RALGAPB: variants seen among roughly 807,000 people sequenced by gnomAD.
RALGAPB encodes ral GTPase-activating protein subunit beta.
A neutral mutation model predicts 161.1 loss-of-function variants in RALGAPB; 25 were observed. The ratio of observed to expected loss-of-function variants is 0.16; its 90% CI spans 0.11 to 0.22. The LOEUF (loss-of-function observed/expected upper bound fraction) is 0.22, where lower values mean the gene tolerates loss of function less well. Among genes scored for constraint, RALGAPB ranks in the 10% least tolerant of loss-of-function variants. The pLI, the probability that RALGAPB is intolerant of heterozygous loss-of-function variation, is 1.00. For missense variants in RALGAPB, 1,391 were observed against 1,815.2 expected (o/e 0.77, Z 4.25); for synonymous variants, 629 against 626.1 (o/e 1.00, Z -0.07).
At position 38,532,782 on chromosome 20, in the gene RALGAPB, G is replaced by T; in HGVS notation, c.2168G>T (p.Ser723Ile). ...CATAGTCGCACCAATAGTGGTATTA[G>T]TTCAGCAAGTGGTGGAAGCACGGAG... Reference protein sequence around the residue: ...KSHSRTNSGISSASGGSTEPT... With the variant: ...KSHSRTNSGIISASGGSTEPT... Residue 723 changes from serine to isoleucine, a missense_variant, in exon 15 of 30, where the codon AGT becomes ATT. This residue lies in a region of RALGAPB where 946 missense variants were observed against 1,257.2 expected (regional missense o/e 0.75). Transcript: ENST00000262879. 6.2e-7 allele frequency: 1 copy of T among 1,613,926 alleles called. No homozygotes were observed. The highest frequency in any genetic ancestry group is 8.5e-7 in the Non-Finnish European group (1 of 1,179,774).
chr20:38,504,461 A>T (rs1250054873), intron 5 of RALGAPB, among the ~76,000 whole-genome samples: 1 of 152,238 alleles, frequency 6.6e-6, no homozygotes, highest in African/African-American at 2.4e-5. Context: ...TAAATGTAAT[A>T]CCTCAAGCTA....
intron 18 of RALGAPB, 82 bp from the exon 19 acceptor site, chr20:38,546,161 G>C: frequency 6.3e-7 from 1 of 1,591,108 alleles, no homozygotes; most frequent in Non-Finnish European, 8.6e-7. Context: ...ATTCAGAAGA[G>C]TGGAAGGGGA....
chr20:38,570,635 A>G, intron 27 of RALGAPB, 134 bp from the exon 28 acceptor site: 1 of 451,838 alleles, frequency 2.2e-6, no homozygotes, highest in Non-Finnish European at 3.9e-6. Flanking sequence ...AGAATAATTA[A>G]GATGATATTT....
At chr20:38,503,014 A>G (rs1258981095) in intron 5 of RALGAPB, among the ~76,000 whole-genome samples, 1 of 152,218 alleles carries the variant, frequency 6.6e-6, no homozygotes, top group Non-Finnish European at 1.5e-5. Flanking sequence ...GTGCAAAAGT[A>G]ATTGCGGCTT....
Position 38,577,909 on chromosome 20 carries a change from G to A in RALGAPB, c.*2942G>A, listed in dbSNP as rs527934198. 2 of 152,214 alleles carry A rather than the reference G, an allele frequency of 1.3e-5. No homozygotes were observed. Among genetic ancestry groups the A allele is most frequent in the African/African-American group, 4.8e-5 (2 of 41,508 alleles). 9.4% of individuals were successfully genotyped at this position (152,214 alleles called of 1,614,324 possible). A position where few individuals can be genotyped will look rare whatever the true frequency, so the allele number is the denominator to read the frequency against. On this transcript the variant is annotated 3_prime_UTR_variant, in exon 30 of 30. Transcript: ENST00000262879. ...AACGGTTACCTTCTCCATACACTAG[G>A]GAAGCATTTGTCAGACTCTGCAGAC...
chr20:38,534,947 C>T, intron 15 of RALGAPB, 127 bp from the exon 16 acceptor site: 3 of 1,157,366 alleles, frequency 2.6e-6, no homozygotes, highest in Non-Finnish European at 3.8e-6. Flanking sequence ...GAGCGTAGCA[C>T]TGTGTGGGTG....
chr20:38,553,998 C>T lies in RALGAPB; in HGVS notation c.3294C>T (p.Pro1098=). 6.2e-7 allele frequency: 1 copy of T among 1,613,814 alleles called. No homozygotes were observed. The highest frequency in any genetic ancestry group is 8.5e-7 in the Non-Finnish European group (1 of 1,179,866). The stretch of plus-strand genomic sequence containing the variant: ...CTGACCCAGTTACGGATTGCAAGCC[C>T]CCGCCTCCTGCCCAGGAATTCCAAA... ...SFPDPVTDCK[P]PPPAQEFQTA... is the part of the protein sequence containing the mutation. Residue 1098 remains proline (P), a synonymous_variant, in exon 22 of 30, where the codon CCC becomes CCT. Transcript: ENST00000262879.
In RALGAPB at chr20:38,532,757, C is replaced by T; in HGVS notation, c.2143C>T (p.His715Tyr). 3.1e-6 allele frequency: 5 copies of T among 1,613,870 alleles called. No homozygotes were observed. The highest frequency in any genetic ancestry group is 4.2e-6 in the Non-Finnish European group (5 of 1,179,808). ...TGGTGGAGAAAATAACCTGAAGAGT[C>T]ATAGTCGCACCAATAGTGGTATTAG... ...MGGGENNLKS[H>Y]SRTNSGISSA... The change falls in exon 15 of 30, where the codon CAT becomes TAT. Residue 715 changes from histidine to tyrosine, a missense_variant. His to Tyr is a moderately conservative substitution (Grantham distance 83). Transcript: ENST00000262879.
chr20:38,563,247 T>G (rs1379233551), intron 24 of RALGAPB, among the ~76,000 whole-genome samples: 1 of 152,242 alleles, frequency 6.6e-6, no homozygotes, highest in African/African-American at 2.4e-5. Context: ...AAGTTCCTTT[T>G]TTATAATATG....
At position 38,497,612 on chromosome 20, in the gene RALGAPB, T is replaced by C. The variant is rs929457503; in HGVS notation, c.553+96T>C. The C allele has an allele frequency of 2.7e-5, 36 of 1,338,746 alleles. No individual in the cohort carries two copies. The African/African-American group carries it at 4.7e-4, about 18-fold the overall frequency. The allele number at this position is 1,338,746 out of a possible 1,614,324, so 82.9% of individuals were successfully genotyped here. ...GGTAGACTCATTGGGGATTTAAATT[T>C]TGGCATGATGGTTTACAAACAAAGG... On this transcript the variant is annotated intron_variant, in intron 4 of 29. Transcript: ENST00000262879.
At chr20:38,565,503 G>C in intron 25 of RALGAPB, 25 bp downstream of exon 25, 1 of 1,609,608 alleles carries the variant, frequency 6.2e-7, no homozygotes, top group Non-Finnish European at 8.5e-7. Context: ...GCATGGTCCT[G>C]TTTTAGGATC....
At position 38,558,367 on chromosome 20, in the gene RALGAPB, A is replaced by T. The variant is rs748601266; in HGVS notation, c.3445A>T (p.Ile1149Phe). 6.2e-7 allele frequency: 1 copy of T among 1,608,776 alleles called. No individual in the cohort carries two copies. Among genetic ancestry groups the T allele is most frequent in the Non-Finnish European group, 8.5e-7 (1 of 1,176,732 alleles). Residue 1149 changes from isoleucine to phenylalanine, a missense_variant, in exon 23 of 30, where the codon ATT becomes TTT. Around this residue, in one of 3 missense-constraint regions of RALGAPB, gnomAD observed 436 missense variants for 527.0 expected, o/e 0.83. Coordinates refer to ENST00000262879, the MANE Select transcript of RALGAPB (RefSeq NM_020336.4). ...CACGATACCTGGATTTTTTGATGAC[A>T]TTGGGTATCTGGATCTCTTGCCATG... ...DSTIPGFFDDIGYLDLLPCRP... is the reference protein window; with the variant it reads ...DSTIPGFFDDFGYLDLLPCRP...
intron 15 of RALGAPB, among the ~76,000 whole-genome samples, chr20:38,533,989 A>C (rs1600972993): frequency 8.8e-6 from 1 of 113,924 alleles, no homozygotes; most frequent in East Asian, 3.1e-4. Context: ...AAATACAAAA[A>C]TTAGCTGGGG....
chr20:38,528,213 A>G (rs1052502352), intron 13 of RALGAPB, among the ~76,000 whole-genome samples: 2 of 152,146 alleles, frequency 1.3e-5, no homozygotes, highest in African/African-American at 4.8e-5. Flanking sequence ...AAAGTATTCC[A>G]TAATATTTTC....
At chr20:38,551,540 G>C (rs749446937) in intron 21 of RALGAPB, among the ~76,000 whole-genome samples, 3 of 152,176 alleles carry the variant, frequency 2.0e-5, no homozygotes, top group Non-Finnish European at 4.4e-5. Context: ...GAGAATCTAA[G>C]TCTTTATAAG....
At position 38,525,527 on chromosome 20, in the gene RALGAPB, T is replaced by C; in HGVS notation, c.1902+9T>C. ...GCACAGTCAAATCTGAGGTAATGTTTTGTTAAAGTTTTTTTATATCCTATA... is the reference window on the plus strand; with the variant it reads ...GCACAGTCAAATCTGAGGTAATGTTCTGTTAAAGTTTTTTTATATCCTATA... On this transcript the variant is annotated intron_variant, in intron 12 of 29. Transcript: ENST00000262879. The C allele has an allele frequency of 6.4e-7, 1 of 1,561,486 alleles. No homozygotes were observed. The highest frequency in any genetic ancestry group is 8.8e-7 in the Non-Finnish European group (1 of 1,135,674).
chr20:38,549,545 A>ATATATAT (rs1338350565), intron 20 of RALGAPB, among the ~76,000 whole-genome samples: 20 of 121,958 alleles, frequency 1.6e-4, no homozygotes, highest in African/African-American at 5.7e-4. Flanking sequence ...AAAAAAAAAA[A>ATATATAT]AAAAATATAT....
rs562209723 is a variant in RALGAPB at position 38,505,309 on chromosome 20, G to A, written c.741-3768G>A. ...ATGCAGCTTGAAGCCATTATCCTAA[G>A]TGAATTAACACAGGAACAGAAAACC... On this transcript the variant is annotated intron_variant, in intron 5 of 29. Transcript: ENST00000262879. Among the ~76,000 whole-genome samples the A allele has an allele frequency of 3.3e-5, 5 of 152,320 alleles. No individual in the cohort carries two copies. The East Asian group carries it at 9.6e-4, about 29-fold the overall frequency.
intron 18 of RALGAPB, among the ~76,000 whole-genome samples, chr20:38,542,014 A>C (rs1568958209): frequency 6.6e-6 from 1 of 152,066 alleles, no homozygotes; most frequent in Admixed American, 6.5e-5. Context: ...AAGTTGAGAG[A>C]GTTTTTGTTT....
Sources: gnomAD v4.1 joint callset for allele counts (sites outside exome capture counted in the v4.1 genomes callset) on GRCh38, gnomAD v4.1.1 for gene constraint, gnomAD v4.1.1 regional missense constraint, MANE v1.5 for transcripts, NCBI Gene and HGNC (gene_info 2026-07-23, HGNC 2026-07-21) for gene names.